Variants in USP32 observed in about 807,000 individuals in gnomAD.
USP32 encodes the protein ubiquitin carboxyl-terminal hydrolase 32.
In USP32, 59 loss-of-function variants were observed where a neutral mutation model predicts 204.8. That is an observed-to-expected ratio of 0.29 (90% CI 0.23 to 0.36). USP32 has a LOEUF of 0.36. Ranked by LOEUF, USP32 falls within the 10% of genes least tolerant of loss-of-function variation. The pLI, the probability that USP32 is intolerant of heterozygous loss-of-function variation, is 1.00. For missense variants in USP32, 1,160 were observed against 1,946.4 expected (o/e 0.60, Z 7.60); for synonymous variants, 517 against 678.4 (o/e 0.76, Z 3.70).
At chr17:60,215,314 A>G (rs2085073415) in intron 16 of USP32, among the ~76,000 whole-genome samples, 1 of 152,160 alleles carries the variant, frequency 6.6e-6, no homozygotes, top group African/African-American at 2.4e-5. Context: ...AACTTTGAAA[A>G]GATGAGCAAA....
chr17:60,301,729 C>G lies in USP32; in HGVS notation c.187-25G>C, dbSNP rs764890697. On this transcript the variant is annotated intron_variant, in intron 2 of 33. Coordinates refer to ENST00000300896, the MANE Select transcript of USP32 (RefSeq NM_032582.4). Reference sequence around the variant, plus strand: ...CCTGGAAAAAGATGATAAAGCCAACCTTAGGAGGCATTTCAGTTGTTGAGG... The same window carrying G: ...CCTGGAAAAAGATGATAAAGCCAACGTTAGGAGGCATTTCAGTTGTTGAGG... 3.3e-6 allele frequency: 5 copies of G among 1,504,374 alleles called. No homozygotes were observed. The Admixed American group carries it at 8.5e-5, about 26-fold the overall frequency. 93.2% of individuals were successfully genotyped at this position (1,504,374 alleles called of 1,614,324 possible). A position where few individuals can be genotyped will look rare whatever the true frequency, so the allele number is the denominator to read the frequency against.
At position 60,190,643 on chromosome 17, in the gene USP32, C is replaced by A; in HGVS notation, c.3562G>T (p.Ala1188Ser). ...GCGATATAGGCATTTCCAATGAAAG[C>A]TCTGTCTTCCCCACAATCAATTTTA... ...GCKIDCGEDR[A>S]FIGNAYIAVD... The change falls in exon 29 of 34, where the codon GCT becomes TCT. Residue 1188 changes from alanine (A) to serine (S), a missense_variant. Transcript: ENST00000300896. 1 of 1,605,316 alleles carries A rather than the reference C, an allele frequency of 6.2e-7. No homozygotes were observed. Among genetic ancestry groups the A allele is most frequent in the Non-Finnish European group, 8.5e-7 (1 of 1,177,716 alleles).
chr17:60,379,032 A>G (rs2089601199), intron 1 of USP32, among the ~76,000 whole-genome samples: 1 of 152,196 alleles, frequency 6.6e-6, no homozygotes, highest in Admixed American at 6.5e-5. Context: ...AAAAATTCAC[A>G]TGAACTATTT....
chr17:60,213,525 C>G (rs2085025544), intron 18 of USP32, 56 bp downstream of exon 18: 1 of 759,970 alleles, frequency 1.3e-6, no homozygotes, highest in Admixed American at 3.1e-5. Flanking sequence ...TTATTAGTAA[C>G]TCTTTAAATT....
intron 7 of USP32, 133 bp downstream of exon 7, chr17:60,269,312 CTAACA>C (rs1567816690): frequency 6.1e-6 from 4 of 653,890 alleles, no homozygotes; most frequent in Non-Finnish European, 1.0e-5. Flanking sequence ...CAGTAAAACC[CTAACA>C]TGAGATTAAT....
intron 16 of USP32, among the ~76,000 whole-genome samples, chr17:60,218,442 T>C (rs2085160978): frequency 1.3e-5 from 2 of 152,148 alleles, no homozygotes; most frequent in Admixed American, 6.5e-5. Flanking sequence ...ATATAACCTT[T>C]AATGAAGATA....
At position 60,181,447 on chromosome 17, in the gene USP32, C is replaced by A. The variant is rs748319238; in HGVS notation, c.4425G>T (p.Glu1475Asp). The A allele has an allele frequency of 1.9e-6, 3 of 1,613,858 alleles. No individual in the cohort carries two copies. The East Asian group carries it at 6.7e-5, about 36-fold the overall frequency. The part of the protein sequence containing the change: ...EVALANGFLY[E>D]HEACGNGYSN... ...TGTAGCCATTGCCACATGCTTCATG[C>A]TCATAAAGGAATCCATTGGCCAAAG... Residue 1475 changes from glutamate to aspartate, a missense_variant, in exon 32 of 34, where the codon GAG becomes GAT. Around this residue, in one of 8 missense-constraint regions of USP32, gnomAD observed 244 missense variants for 342.3 expected, o/e 0.71. Transcript: ENST00000300896.
intron 1 of USP32, among the ~76,000 whole-genome samples, chr17:60,360,360 T>C (rs756035231): frequency 2.8e-4 from 42 of 152,158 alleles, no homozygotes; most frequent in Non-Finnish European, 4.3e-4. Flanking sequence ...AAAAAATTTT[T>C]GTATTTGTAT....
rs553374312 is a variant in USP32, at chr17:60,177,359, CTATT to C, written c.*1892_*1895del. The stretch of plus-strand genomic sequence containing the variant: ...ACATCAACACTATTTTATTTACACT[CTATT>C]TATGTACATTAACATCTTTCTAAAG... On this transcript the variant is annotated 3_prime_UTR_variant, in exon 34 of 34. Coordinates refer to ENST00000300896, the MANE Select transcript of USP32 (RefSeq NM_032582.4). Among the ~76,000 whole-genome samples, 766 of 152,308 alleles carry C rather than the reference CTATT, an allele frequency of 5.0e-3. 2 individuals are homozygous for C. Among genetic ancestry groups the C allele is most frequent in the Non-Finnish European group, 8.5e-3 (577 of 68,014 alleles).
chr17:60,324,551 TAA>T lies in USP32; in HGVS notation c.186+20928_186+20929del, dbSNP rs562702839. ...ATTAACAACATGTAAATGGTATGGT[TAA>T]AAGTCACCCTCATTTCACCTTTGAT... On this transcript the variant is annotated intron_variant, in intron 2 of 33. Transcript: ENST00000300896. 4.1e-3 allele frequency among the ~76,000 whole-genome samples: 627 copies of T among 152,238 alleles called. 15 individuals are homozygous for T. Among genetic ancestry groups the T allele is most frequent in the Admixed American group, 0.035 (539 of 15,282 alleles).
At chr17:60,396,212 G>A (rs1331467847), upstream of USP32, among the ~76,000 whole-genome samples, 1 of 151,376 alleles carries the variant, frequency 6.6e-6, no homozygotes, top group African/African-American at 2.4e-5. Flanking sequence ...CAAGTAGCTG[G>A]GACTACAGGC....
intron 26 of USP32, among the ~76,000 whole-genome samples, chr17:60,203,913 A>T (rs1256608287): frequency 6.6e-6 from 1 of 152,174 alleles, no homozygotes; most frequent in East Asian, 1.9e-4. Context: ...TAAAGTCCAA[A>T]GAGCTCAATC....
At chr17:60,217,277 T>G (rs2085127472) in intron 16 of USP32, among the ~76,000 whole-genome samples, 1 of 152,048 alleles carries the variant, frequency 6.6e-6, no homozygotes, top group Non-Finnish European at 1.5e-5. Context: ...ACAACACATC[T>G]TGCCTCTCAT....
intron 10 of USP32, 25 bp from the exon 11 acceptor site, chr17:60,252,467 A>G: frequency 2.5e-6 from 4 of 1,582,904 alleles, no homozygotes; most frequent in Non-Finnish European, 3.5e-6. Flanking sequence ...GGTAAATCAA[A>G]GTTTATTAAC....
chr17:60,223,636 A>G (rs1463074678), intron 13 of USP32, 50 bp from the exon 14 acceptor site: 2 of 1,517,838 alleles, frequency 1.3e-6, no homozygotes, highest in East Asian at 4.6e-5. Context: ...TATTATACAT[A>G]AACAGGCTTG....
At chr17:60,349,353 G>C (rs913711388) in intron 1 of USP32, among the ~76,000 whole-genome samples, 1 of 149,888 alleles carries the variant, frequency 6.7e-6, no homozygotes, top group Non-Finnish European at 1.5e-5. Flanking sequence ...ACTGAGGCAG[G>C]TGGATCCCTT....
chr17:60,201,100 G>A (rs969593596), intron 26 of USP32, among the ~76,000 whole-genome samples: 6 of 152,044 alleles, frequency 3.9e-5, no homozygotes, highest in East Asian at 1.9e-4. Flanking sequence ...TCAAGCAATC[G>A]GCCCACCTCA....
At chr17:60,340,415 A>AT (rs1379916571) in intron 2 of USP32, among the ~76,000 whole-genome samples, 1 of 152,204 alleles carries the variant, frequency 6.6e-6, no homozygotes, top group Non-Finnish European at 1.5e-5. Flanking sequence ...ACGATTCTAC[A>AT]AAAAATACAA....
In USP32 at chr17:60,215,460, C is replaced by T. The variant is rs568076711; in HGVS notation, c.1868-686G>A. ...GTCAATAGCAAAATGAAATAAAACT[C>T]AGTGAAAAAAAAATTAGGACAGAGT... On this transcript the variant is annotated intron_variant, in intron 16 of 33. Transcript: ENST00000300896. 2.4e-4 allele frequency among the ~76,000 whole-genome samples: 35 copies of T among 148,716 alleles called. No homozygotes were observed. In the South Asian group the frequency reaches 6.6e-3, roughly 28 times the overall value.
Sources: gnomAD v4.1 joint callset for allele counts (sites outside exome capture counted in the v4.1 genomes callset) on GRCh38, gnomAD v4.1.1 for gene constraint, gnomAD v4.1.1 regional missense constraint, MANE v1.5 for transcripts, NCBI Gene and HGNC (gene_info 2026-07-23, HGNC 2026-07-21) for gene names.